The following IGSF22 variants were observed in gnomAD, a reference collection of about 807,000 sequenced individuals.
IGSF22 encodes the protein immunoglobulin superfamily member 22, also known as immunoglobulin superfamily, member 22.
IGSF22 carries 119 observed loss-of-function variants against 127.0 expected under a neutral mutation model. The observed-to-expected ratio is 0.94, with a 90% CI of 0.81 to 1.09. The LOEUF (loss-of-function observed/expected upper bound fraction) is 1.09, where lower values mean the gene tolerates loss of function less well. IGSF22 is among the 50% of genes least tolerant of loss of function. IGSF22 has a pLI of 0.00. For missense variants in IGSF22, 1,518 were observed against 1,716.6 expected (o/e 0.88, Z 2.04); for synonymous variants, 568 against 664.7 (o/e 0.85, Z 2.24).
intron 15 of IGSF22, among the ~76,000 whole-genome samples, chr11:18,711,521 C>T (rs1275228098): frequency 6.6e-6 from 1 of 152,150 alleles, no homozygotes; most frequent in East Asian, 1.9e-4. Flanking sequence ...CCTCAACCTC[C>T]CGAGTAGCCA....
Position 18,709,257 on chromosome 11 carries a change from G to A in IGSF22, c.2998+130C>T. On this transcript the variant is annotated intron_variant, in intron 18 of 22. Coordinates refer to ENST00000513874, the MANE Select transcript of IGSF22 (RefSeq NM_173588.4). The surrounding 1 kb of genome is among the most constrained non-coding windows in gnomAD (Gnocchi z 4.8). The stretch of plus-strand genomic sequence containing the variant: ...TGAAGTTACCCCTAACTTTGTCCAG[G>A]CACAACAACTATGGATGACTTTTTC... 3.1e-6 allele frequency: 3 copies of A among 957,822 alleles called. No individual in the cohort carries two copies. Among genetic ancestry groups the A allele is most frequent in the Non-Finnish European group, 4.6e-6 (3 of 650,660 alleles). 59.3% of individuals were successfully genotyped at this position (957,822 alleles called of 1,614,324 possible). A position where few individuals can be genotyped will look rare whatever the true frequency, so the allele number is the denominator to read the frequency against.
At position 18,715,489 on chromosome 11, in the gene IGSF22, C is replaced by G. The variant is rs1377389305; in HGVS notation, c.1474G>C (p.Ala492Pro). ...TCAGTAGGGTCTCCATCCTGCATGG[C>G]CACCACAGTGTACTCGCCACCATCA... ...LSDGGEYTVVAMQDGDPTEYY... is the reference protein window; with the variant it reads ...LSDGGEYTVVPMQDGDPTEYY... The change falls in exon 11 of 23, where the codon GCC becomes CCC. Residue 492 changes from alanine to proline, a missense_variant. By Grantham distance (27) the Ala-to-Pro change is conservative. Coordinates refer to ENST00000513874, the MANE Select transcript of IGSF22 (RefSeq NM_173588.4). 6.2e-7 allele frequency: 1 copy of G among 1,613,800 alleles called. No homozygotes were observed. Among genetic ancestry groups the G allele is most frequent in the Admixed American group, 1.7e-5 (1 of 60,004 alleles).
In IGSF22 at chr11:18,718,070, C is replaced by G. The variant is rs1848495593; in HGVS notation, c.834G>C (p.Gln278His). The change falls in exon 9 of 23, where the codon CAG becomes CAC. Residue 278 changes from glutamine to histidine, a missense_variant. Coordinates refer to ENST00000513874, the MANE Select transcript of IGSF22 (RefSeq NM_173588.4). Reference protein sequence around the residue: ...WIKGTEPLRIQYSLGKYDVKQ... With the variant: ...WIKGTEPLRIHYSLGKYDVKQ... ...TCACATCGTACTTGCCCAGGGAGTA[C>G]TGGATCCTCAGTGGCTCAGTACCCT... The G allele has an allele frequency of 1.2e-6, 2 of 1,614,014 alleles. No individual in the cohort carries two copies. The highest frequency in any genetic ancestry group is 2.2e-5 in the South Asian group (2 of 91,080).
chr11:18,705,536 C>T, intron 22 of IGSF22: 1 of 476,770 alleles, frequency 2.1e-6, no homozygotes, highest in Non-Finnish European at 3.8e-6. Context: ...TCCTGATCAC[C>T]AGTATCTTTT....
At position 18,714,427 on chromosome 11, in the gene IGSF22, CA is replaced by C. The variant is rs1848420164; in HGVS notation, c.1657-10del. On this transcript the variant is annotated splice_polypyrimidine_tract_variant and intron_variant, in intron 12 of 22. Transcript: ENST00000513874. Reference sequence around the variant, plus strand: ...CCTGGCAAGTCCGTGATCTGGGGGTCAGGGGTGGGCCTGAGTGTGAGCATAG... The same window carrying C: ...CCTGGCAAGTCCGTGATCTGGGGGTCGGGGTGGGCCTGAGTGTGAGCATAG... The C allele has an allele frequency of 2.5e-6, 4 of 1,613,842 alleles. No individual in the cohort carries two copies. Among genetic ancestry groups the C allele is most frequent in the African/African-American group, 1.3e-5 (1 of 74,926 alleles).
In IGSF22 at chr11:18,715,921, A is replaced by T. The variant is rs1848455528; in HGVS notation, c.1247-205T>A. On this transcript the variant is annotated intron_variant, in intron 10 of 22. Coordinates refer to ENST00000513874, the MANE Select transcript of IGSF22 (RefSeq NM_173588.4). ...TGGCCCTGACTTGCTAGTTGACTGT[A>T]TACAACTCATTTACCTCTCTGAGTC... is the stretch of plus-strand genomic sequence containing the variant. Among the ~76,000 whole-genome samples the T allele has an allele frequency of 2.6e-5, 4 of 152,218 alleles. No homozygotes were observed. The South Asian group carries it at 8.3e-4, about 31-fold the overall frequency.
intron 21 of IGSF22, 122 bp from the exon 22 acceptor site, chr11:18,706,268 C>T (rs1848228988): frequency 1.1e-6 from 1 of 929,156 alleles, no homozygotes; most frequent in Non-Finnish European, 1.6e-6. Context: ...GCGCCACCAA[C>T]TCTGGGGGCC....
chr11:18,719,929 A>G (rs1848538651), intron 6 of IGSF22, 36 bp from the exon 7 acceptor site: 1 of 1,613,266 alleles, frequency 6.2e-7, no homozygotes. Context: ...CTTGTACACA[A>G]TGCCTCTCCA....
Position 18,712,321 on chromosome 11 carries a change from A to G in IGSF22, c.2159T>C (p.Met720Thr). 2 of 1,551,594 alleles carry G rather than the reference A, an allele frequency of 1.3e-6. No individual in the cohort carries two copies. The highest frequency in any genetic ancestry group is 1.7e-6 in the Non-Finnish European group (2 of 1,146,954). ...ATTGTCCTTTGGGGCCTTCCACTTC[A>G]TGTGCACACAACTACCTGAGAGCTC... ...FLELSGSCVH[M>T]KWKAPKDNGG... is the part of the protein sequence containing the mutation. Residue 720 changes from methionine (M) to threonine (T), a missense_variant, in exon 15 of 23, where the codon ATG becomes ACG. Transcript: ENST00000513874.
Position 18,709,677 on chromosome 11 carries a change from G to A in IGSF22, c.2708C>T (p.Pro903Leu), listed in dbSNP as rs1848315079. The A allele has an allele frequency of 6.2e-7, 1 of 1,613,272 alleles. No homozygotes were observed. Among genetic ancestry groups the A allele is most frequent in the African/African-American group, 1.3e-5 (1 of 74,968 alleles). Reference sequence around the variant, plus strand: ...TACATGCAGGTCCTGGACCAGGCCTGGGGGTTCTGGGGTAGAACAGACATG... The same window carrying A: ...TACATGCAGGTCCTGGACCAGGCCTAGGGGTTCTGGGGTAGAACAGACATG... ...SVVAKDPVKP[P>L]GLVQDLHVSD... The change falls in exon 18 of 23, where the codon CCA (proline) becomes CTA (leucine). Residue 903 changes from proline to leucine, a missense_variant. Pro to Leu is a moderately conservative substitution (Grantham distance 98). Transcript: ENST00000513874. The surrounding 1 kb of genome is among the most constrained non-coding windows in gnomAD (Gnocchi z 4.8).
At chr11:18,708,635 C>G (rs1007384759) in intron 18 of IGSF22, among the ~76,000 whole-genome samples, 4 of 152,224 alleles carry the variant, frequency 2.6e-5, no homozygotes, top group African/African-American at 9.6e-5. Flanking sequence ...CTTTACCCTC[C>G]AAACTGCCCT....
intron 18 of IGSF22, 80 bp from the exon 19 acceptor site, chr11:18,708,375 T>A (rs1385540454): frequency 1.9e-6 from 2 of 1,063,756 alleles, no homozygotes; most frequent in Non-Finnish European, 2.7e-6. Flanking sequence ...ATCAAAGCCT[T>A]CCCAACCTCT....
Position 18,714,105 on chromosome 11 carries a change from C to A in IGSF22, c.1842G>T (p.Ala614=). ...GGCCTACCTTCACAGTGATGGCGTG[C>A]GCAGCCAGTGCCTCCAGTACTGACG... The part of the protein sequence containing the change: ...IDPSVLEALA[A]HAITVKVGHT... The change falls in exon 14 of 23, where the codon GCG becomes GCT. Residue 614 remains alanine (A), a synonymous_variant. Coordinates refer to ENST00000513874, the MANE Select transcript of IGSF22 (RefSeq NM_173588.4). 2 of 1,614,138 alleles carry A rather than the reference C, an allele frequency of 1.2e-6. No individual in the cohort carries two copies. The highest frequency in any genetic ancestry group is 1.7e-6 in the Non-Finnish European group (2 of 1,179,992).
At chr11:18,719,987 C>T in intron 6 of IGSF22, 77 bp downstream of exon 6, 7 of 1,610,674 alleles carry the variant, frequency 4.3e-6, no homozygotes, top group African/African-American at 1.3e-5. Flanking sequence ...AACTCAGGGC[C>T]TTGTTGAGAG....
In IGSF22 at chr11:18,705,911, G is replaced by A. The variant is rs1353787833; in HGVS notation, c.3816C>T (p.Ile1272=). The A allele has an allele frequency of 1.6e-5, 25 of 1,551,722 alleles. No homozygotes were observed. The South Asian group carries it at 2.9e-4, about 18-fold the overall frequency. ...NSTSGVCTLV[I]PTCTLKDSGD... The stretch of plus-strand genomic sequence containing the variant: ...CGCTGTCCTTGAGCGTGCAGGTGGG[G>A]ATGACGAGGGTGCACACGCCGCTGG... The change falls in exon 22 of 23, where the codon ATC becomes ATT. Residue 1272 remains isoleucine (I), a synonymous_variant. Transcript: ENST00000513874.
chr11:18,718,188 G>A (rs999558023), intron 8 of IGSF22, 95 bp from the exon 9 acceptor site: 1 of 1,165,452 alleles, frequency 8.6e-7, no homozygotes, highest in Non-Finnish European at 1.2e-6. Flanking sequence ...GCTGGAGGGT[G>A]CATGTCCAAC....
intron 6 of IGSF22, 38 bp from the exon 7 acceptor site, chr11:18,719,931 G>A: frequency 1.9e-6 from 3 of 1,612,948 alleles, no homozygotes; most frequent in Non-Finnish European, 2.5e-6. Context: ...TGTACACAAT[G>A]CCTCTCCAAC....
rs1309602989 is a variant in IGSF22, at chr11:18,718,032, G to A, written c.872C>T (p.Thr291Ile). The change falls in exon 9 of 23, where the codon ACC (threonine) becomes ATC (isoleucine). Residue 291 changes from threonine (T) to isoleucine (I), a missense_variant. Around this residue, in one of 3 missense-constraint regions of IGSF22, gnomAD observed 1,456 missense variants for 1,644.9 expected, o/e 0.89. Coordinates refer to ENST00000513874, the MANE Select transcript of IGSF22 (RefSeq NM_173588.4). Reference sequence around the variant, plus strand: ...GTTGCTAATAACCAGCATGTACTTGGTGCCCATCTGCTTCACATCGTACTT... The same window carrying A: ...GTTGCTAATAACCAGCATGTACTTGATGCCCATCTGCTTCACATCGTACTT... ...LGKYDVKQMG[T>I]KYMLVISNVN... 1 of 1,614,092 alleles carries A rather than the reference G, an allele frequency of 6.2e-7. No homozygotes were observed. The highest frequency in any genetic ancestry group is 1.7e-5 in the Admixed American group (1 of 60,004).
chr11:18,708,564 T>C (rs766704778), intron 18 of IGSF22, among the ~76,000 whole-genome samples: 1 of 152,210 alleles, frequency 6.6e-6, no homozygotes, highest in South Asian at 2.1e-4. Context: ...ATTGCAACAA[T>C]TATAACAGCG....
Sources: gnomAD v4.1 joint callset for allele counts (sites outside exome capture counted in the v4.1 genomes callset) on GRCh38, gnomAD v4.1.1 for gene constraint, gnomAD v4.1.1 regional missense constraint, Gnocchi (gnomAD v3.1) non-coding constraint, MANE v1.5 for transcripts, NCBI Gene and HGNC (gene_info 2026-07-23, HGNC 2026-07-21) for gene names.